The following STK10 variants were observed in gnomAD, a reference collection of about 807,000 sequenced individuals.
STK10 encodes the protein serine/threonine kinase 10.
Under a neutral mutation model 113.8 loss-of-function variants are expected in STK10, and 78 were observed. That is an observed-to-expected ratio of 0.69 (90% confidence interval 0.57 to 0.83). The LOEUF (loss-of-function observed/expected upper bound fraction) is 0.83. STK10 is among the 40% of genes least tolerant of loss of function. The pLI is 0.00. For missense variants in STK10, 1,109 were observed against 1,280.1 expected (o/e 0.87, Z 2.04); for synonymous variants, 465 against 494.7 (o/e 0.94, Z 0.80).
intron 4 of STK10, among the ~76,000 whole-genome samples, chr5:172,112,416 CTTTTTTTTTTT>C (rs1159424183): frequency 2.9e-5 from 3 of 103,074 alleles, no homozygotes; most frequent in Admixed American, 1.1e-4. Flanking sequence ...AGGGACCTTA[CTTTTTTTTTTT>C]TTTTTTTTTT....
intron 1 of STK10, among the ~76,000 whole-genome samples, chr5:172,163,977 C>G (rs767617045): frequency 5.3e-4 from 81 of 151,986 alleles, no homozygotes; most frequent in African/African-American, 1.8e-3. Context: ...TTTGGGAAGC[C>G]TAGGCAGGTG....
At chr5:172,045,140 G>A in intron 18 of STK10, 118 bp from the exon 19 acceptor site, 1 of 1,446,242 alleles carries the variant, frequency 6.9e-7, no homozygotes. Context: ...CCAGGCCTCA[G>A]TGCTTGAGAA....
Position 172,044,934 on chromosome 5 carries a change from G to T in STK10, c.2855C>A (p.Thr952Asn). 1.2e-6 allele frequency: 2 copies of T among 1,614,232 alleles called. No individual in the cohort carries two copies. Among genetic ancestry groups the T allele is most frequent in the Non-Finnish European group, 8.5e-7 (1 of 1,180,040 alleles). Reference sequence around the variant, plus strand: ...GAAGAACTTGGCGGCCTTGCTTGGGGTGGAGGGGTTTGGGCACTCCGCCTC... The same window carrying T: ...GAAGAACTTGGCGGCCTTGCTTGGGTTGGAGGGGTTTGGGCACTCCGCCTC... Reference protein sequence around the residue: ...SEEAECPNPSTPSKAAKFFPY... With the variant: ...SEEAECPNPSNPSKAAKFFPY... The change falls in exon 19 of 19, where the codon ACC becomes AAC. Residue 952 changes from threonine (T) to asparagine (N), a missense_variant. By Grantham distance (65) the Thr-to-Asn change is moderately conservative. Transcript: ENST00000176763. The surrounding 1 kb of genome is among the most constrained non-coding windows in gnomAD (Gnocchi z 4.5).
chr5:172,110,284 G>A (rs1769210554), intron 4 of STK10, among the ~76,000 whole-genome samples: 1 of 152,222 alleles, frequency 6.6e-6, no homozygotes, highest in Non-Finnish European at 1.5e-5. Context: ...CGGTCATGGA[G>A]GGAGGGCTGG....
intron 3 of STK10, among the ~76,000 whole-genome samples, chr5:172,119,487 T>C (rs993028795): frequency 1.3e-5 from 2 of 151,616 alleles, no homozygotes; most frequent in African/African-American, 4.9e-5. Context: ...ATGCAAAGGT[T>C]GGAGAATCAC....
chr5:172,153,288 A>AAAAGAAAGAAAGAAAGAAAG lies in STK10; in HGVS notation c.321+3316_321+3335dup, dbSNP rs35446422. ...GCAACAGGAGCAAAACTCCATCTCAAAAAGAAAGAAAGAAAGAAAGAAAGA... is the reference window on the plus strand; with the variant it reads ...GCAACAGGAGCAAAACTCCATCTCAAAAAGAAAGAAAGAAAGAAAGAAAGAAAGAAAGAAAGAAAGAAAGA... On this transcript the variant is annotated intron_variant, in intron 2 of 18. Coordinates refer to ENST00000176763, the MANE Select transcript of STK10 (RefSeq NM_005990.4). Among the ~76,000 whole-genome samples the AAAAGAAAGAAAGAAAGAAAG allele has an allele frequency of 6.5e-3, 919 of 142,028 alleles. 34 individuals are homozygous for AAAAGAAAGAAAGAAAGAAAG. Among genetic ancestry groups the AAAAGAAAGAAAGAAAGAAAG allele is most frequent in the African/African-American group, 0.015 (517 of 34,912 alleles). 93.2% of individuals were successfully genotyped at this position (142,028 alleles called of 152,430 possible). A position where few individuals can be genotyped will look rare whatever the true frequency, so the allele number is the denominator to read the frequency against.
At chr5:172,068,350 A>G (rs1159683622) in intron 12 of STK10, among the ~76,000 whole-genome samples, 4 of 151,828 alleles carry the variant, frequency 2.6e-5, no homozygotes. Flanking sequence ...AAAAAAAAAA[A>G]GTGCTGAGAT....
intron 1 of STK10, among the ~76,000 whole-genome samples, chr5:172,184,894 C>G (rs948372464): frequency 6.6e-6 from 1 of 152,156 alleles, no homozygotes; most frequent in Non-Finnish European, 1.5e-5. Flanking sequence ...CTCCTAACCT[C>G]AAGTGATCCA....
At chr5:172,169,027 C>G (rs971644136) in intron 1 of STK10, among the ~76,000 whole-genome samples, 6 of 152,154 alleles carry the variant, frequency 3.9e-5, no homozygotes, top group Admixed American at 6.5e-5. Flanking sequence ...CAGCCCCGTG[C>G]CTGCTGCCTA....
chr5:172,055,757 C>A lies in STK10; in HGVS notation c.2357G>T (p.Arg786Leu). 2.0e-6 allele frequency: 3 copies of A among 1,513,412 alleles called. No individual in the cohort carries two copies. The highest frequency in any genetic ancestry group is 2.7e-6 in the Non-Finnish European group (3 of 1,122,458). 93.7% of individuals were successfully genotyped at this position (1,513,412 alleles called of 1,614,324 possible). A position where few individuals can be genotyped will look rare whatever the true frequency, so the allele number is the denominator to read the frequency against. Reference protein sequence around the residue: ...KHEKEREQMQRYNQRMIEQLK... With the variant: ...KHEKEREQMQLYNQRMIEQLK... ...CTGCTCTATCATGCGCTGGTTGTAGCGCTGCATCTGCTCCCGCTCCTGGAG... is the reference window on the plus strand; with the variant it reads ...CTGCTCTATCATGCGCTGGTTGTAGAGCTGCATCTGCTCCCGCTCCTGGAG... The change falls in exon 16 of 19, where the codon CGC becomes CTC. Residue 786 changes from arginine (R) to leucine (L), a missense_variant. Around this residue, in one of 5 missense-constraint regions of STK10, gnomAD observed 885 missense variants for 991.1 expected, o/e 0.89. Transcript: ENST00000176763.
intron 18 of STK10, among the ~76,000 whole-genome samples, chr5:172,047,884 T>A (rs75980623): frequency 0.017 from 2,551 of 148,634 alleles, 35 homozygotes; most frequent in Middle Eastern, 0.053. Context: ...CACACTGAGG[T>A]CCCATGTTTT....
In STK10 at chr5:172,133,420, T is replaced by C. The variant is rs1398363334; in HGVS notation, c.322-5999A>G. On this transcript the variant is annotated intron_variant, in intron 2 of 18. Transcript: ENST00000176763. The surrounding 1 kb of genome is among the most constrained non-coding windows in gnomAD (Gnocchi z 4.9). Reference sequence around the variant, plus strand: ...CATGTCTTCCTTCCCCTTTGTGAAATAGCCATGAGAACTGGGTAGGACTTA... The same window carrying C: ...CATGTCTTCCTTCCCCTTTGTGAAACAGCCATGAGAACTGGGTAGGACTTA... Among the ~76,000 whole-genome samples the C allele has an allele frequency of 2.6e-5, 4 of 152,138 alleles. No individual in the cohort carries two copies. The highest frequency in any genetic ancestry group is 1.9e-4 in the East Asian group (1 of 5,186).
intron 4 of STK10, among the ~76,000 whole-genome samples, chr5:172,110,483 T>A (rs2113769493): frequency 6.6e-6 from 1 of 152,214 alleles, no homozygotes; most frequent in Admixed American, 6.5e-5. Context: ...GGCCCAGGGC[T>A]GAGAAGGCAG....
intron 4 of STK10, among the ~76,000 whole-genome samples, chr5:172,111,390 G>A (rs769482480): frequency 2.0e-5 from 3 of 152,088 alleles, no homozygotes; most frequent in Admixed American, 1.3e-4. Flanking sequence ...AACCACCAAC[G>A]TGCAATGACA....
At chr5:172,167,055 G>A (rs898037495) in intron 1 of STK10, among the ~76,000 whole-genome samples, 5 of 151,980 alleles carry the variant, frequency 3.3e-5, no homozygotes, top group African/African-American at 1.2e-4. Context: ...AGCTACTCGG[G>A]AGGCTGGGGC....
chr5:172,151,535 C>T (rs557758377), intron 2 of STK10, among the ~76,000 whole-genome samples: 7 of 152,184 alleles, frequency 4.6e-5, no homozygotes, highest in South Asian at 2.1e-4. Context: ...TTAGTAGAGA[C>T]GGGGTTTCAC....
intron 7 of STK10, among the ~76,000 whole-genome samples, chr5:172,104,681 C>T (rs1337861315): frequency 6.6e-6 from 1 of 152,084 alleles, no homozygotes; most frequent in Non-Finnish European, 1.5e-5. Flanking sequence ...CAGAAAGGGC[C>T]GCTAACAAGG....
At chr5:172,159,451 A>G (rs905512512) in intron 1 of STK10, among the ~76,000 whole-genome samples, 1 of 152,148 alleles carries the variant, frequency 6.6e-6, no homozygotes, top group African/African-American at 2.4e-5. Flanking sequence ...CTGAGGCGGG[A>G]GGATCACTTG....
intron 1 of STK10, among the ~76,000 whole-genome samples, chr5:172,160,325 A>T (rs1409579462): frequency 2.0e-5 from 3 of 151,704 alleles, no homozygotes; most frequent in African/African-American, 7.3e-5. Context: ...AAGTACAAAA[A>T]CTAGCCAAGT....
Sources: allele counts gnomAD v4.1 joint callset (sites outside exome capture counted in the v4.1 genomes callset), GRCh38; gene constraint gnomAD v4.1.1; regional missense constraint gnomAD v4.1.1; non-coding constraint Gnocchi (gnomAD v3.1); transcripts MANE v1.5; gene names NCBI Gene and HGNC (gene_info 2026-07-23, HGNC 2026-07-21).